The following GAS2L3 variants were observed in gnomAD, a reference collection of about 807,000 sequenced individuals.
GAS2L3 encodes the protein growth arrest specific 2 like 3, also known as GAS2-like protein 3.
A neutral mutation model predicts 37.0 loss-of-function variants in GAS2L3; 28 were observed. That is an observed-to-expected ratio of 0.76 (90% CI 0.56 to 1.04). GAS2L3 has a LOEUF of 1.04. GAS2L3 is among the 50% of genes least tolerant of loss of function. The pLI is 0.00. For synonymous variants in GAS2L3, 290 were observed against 296.6 expected (o/e 0.98, Z 0.23); for missense variants, 793 against 817.6 (o/e 0.97, Z 0.37).
intron 1 of GAS2L3, among the ~76,000 whole-genome samples, chr12:100,576,019 C>A (rs1010869180): frequency 2.0e-5 from 3 of 151,814 alleles, no homozygotes; most frequent in Admixed American, 2.0e-4. Context: ...GATGGTAAAT[C>A]AAAATTTGTG....
At chr12:100,586,773 A>G (rs565050051) in intron 1 of GAS2L3, among the ~76,000 whole-genome samples, 3 of 152,322 alleles carry the variant, frequency 2.0e-5, no homozygotes, top group South Asian at 2.1e-4. Flanking sequence ...TACAAAAGAT[A>G]AATGAAACAA....
chr12:100,579,091 A>G, intron 1 of GAS2L3: 2 of 731,864 alleles, frequency 2.7e-6, no homozygotes, highest in East Asian at 2.6e-5. Flanking sequence ...TCAAGTACAT[A>G]TTTGTTCAGG....
chr12:100,584,394 G>A (rs531874243), intron 1 of GAS2L3, among the ~76,000 whole-genome samples: 34 of 152,134 alleles, frequency 2.2e-4, no homozygotes, highest in African/African-American at 8.0e-4. Flanking sequence ...TGTAAATGTT[G>A]GATTTTCACA....
chr12:100,602,502 A>C (rs1956003955), intron 5 of GAS2L3, among the ~76,000 whole-genome samples: 1 of 151,748 alleles, frequency 6.6e-6, no homozygotes, highest in Non-Finnish European at 1.5e-5. Flanking sequence ...ATCTTGTAAA[A>C]AATATTTTGT....
At chr12:100,574,986 T>C (rs996481182) in intron 1 of GAS2L3, among the ~76,000 whole-genome samples, 4 of 152,182 alleles carry the variant, frequency 2.6e-5, no homozygotes, top group African/African-American at 9.7e-5. Flanking sequence ...AGTAATTTTT[T>C]TTTTTTTAGC....
Position 100,599,259 on chromosome 12 carries a change from C to T in GAS2L3, c.19-1123C>T, listed in dbSNP as rs80120857. On this transcript the variant is annotated intron_variant, in intron 3 of 9. Transcript: ENST00000547754. ...ATAATGACATGATTACTTCTTTTAC[C>T]ATCTGAAGAATTGATACAGCCTTTT... 5.4e-3 allele frequency among the ~76,000 whole-genome samples: 822 copies of T among 152,174 alleles called. 8 individuals carry two copies. Among genetic ancestry groups the T allele is most frequent in the African/African-American group, 0.019 (780 of 41,502 alleles).
rs1241497334 is a variant in GAS2L3, at chr12:100,625,975, C to A, written c.*1085C>A. The A allele has an allele frequency of 6.6e-6, 1 of 152,092 alleles. No homozygotes were observed. Among genetic ancestry groups the A allele is most frequent in the Non-Finnish European group, 1.5e-5 (1 of 68,010 alleles). 9.4% of individuals were successfully genotyped at this position (152,092 alleles called of 1,614,324 possible). On this transcript the variant is annotated 3_prime_UTR_variant, in exon 10 of 10. Transcript: ENST00000547754. ...CAATGGCAAGTAGACAGGATATGTTCAAGGTTTTCTGCACTGTAGGCACAG... is the reference window on the plus strand; with the variant it reads ...CAATGGCAAGTAGACAGGATATGTTAAAGGTTTTCTGCACTGTAGGCACAG...
rs146161019 is a variant in GAS2L3 at position 100,620,790 on chromosome 12, G to C, written c.649-1485G>C. 1.8e-4 allele frequency among the ~76,000 whole-genome samples: 28 copies of C among 152,068 alleles called. No homozygotes were observed. In the East Asian group the frequency reaches 5.4e-3, roughly 29 times the overall value. On this transcript the variant is annotated intron_variant, in intron 8 of 9. Coordinates refer to ENST00000547754, the MANE Select transcript of GAS2L3 (RefSeq NM_174942.3). The stretch of plus-strand genomic sequence containing the variant: ...TACAGACAGAAAGTGGTGACTAAAA[G>C]ATATATCTCCTTTCAGATTACTTTG...
chr12:100,582,351 A>T (rs1262090307), intron 1 of GAS2L3, among the ~76,000 whole-genome samples: 1 of 152,188 alleles, frequency 6.6e-6, no homozygotes, highest in Non-Finnish European at 1.5e-5. Flanking sequence ...TTAAGGCAGG[A>T]ACTGCCTATT....
intron 6 of GAS2L3, among the ~76,000 whole-genome samples, chr12:100,614,096 T>C (rs1295976891): frequency 6.6e-6 from 1 of 152,218 alleles, no homozygotes; most frequent in Non-Finnish European, 1.5e-5. Context: ...TTTAAGGATC[T>C]CTGTTTACCT....
intron 1 of GAS2L3, among the ~76,000 whole-genome samples, chr12:100,582,587 T>C (rs1328564254): frequency 6.6e-6 from 1 of 152,204 alleles, no homozygotes; most frequent in Non-Finnish European, 1.5e-5. Context: ...GAAAAATATA[T>C]TTCTTTTGAT....
intron 8 of GAS2L3, among the ~76,000 whole-genome samples, chr12:100,619,560 T>C (rs548162370): frequency 6.6e-6 from 1 of 152,136 alleles, no homozygotes; most frequent in South Asian, 2.1e-4. Flanking sequence ...GCAAGACAGA[T>C]TAAGAACATG....
At position 100,615,134 on chromosome 12, in the gene GAS2L3, A is replaced by G. The variant is rs751091317; in HGVS notation, c.446-2610A>G. On this transcript the variant is annotated intron_variant, in intron 6 of 9. Coordinates refer to ENST00000547754, the MANE Select transcript of GAS2L3 (RefSeq NM_174942.3). ...TTTACATTTCTGCCAGCAGTGCCCA[A>G]TGTTCCAATTTCTCCACATCTTTGT... 9.8e-5 allele frequency among the ~76,000 whole-genome samples: 15 copies of G among 152,322 alleles called. 1 individual carries two copies. In the South Asian group the frequency reaches 1.0e-3, roughly 11 times the overall value.
At chr12:100,622,606 A>C (rs1325909768) in intron 9 of GAS2L3, among the ~76,000 whole-genome samples, 1 of 151,864 alleles carries the variant, frequency 6.6e-6, no homozygotes, top group Non-Finnish European at 1.5e-5. Flanking sequence ...CAGGATAGCT[A>C]AGATTATTTA....
At chr12:100,620,248 G>T (rs1956237515) in intron 8 of GAS2L3, among the ~76,000 whole-genome samples, 1 of 151,914 alleles carries the variant, frequency 6.6e-6, no homozygotes, top group Non-Finnish European at 1.5e-5. Context: ...TAATCATTGT[G>T]ATCATTGTGA....
rs1352539669 is a variant in GAS2L3 at position 100,622,378 on chromosome 12, T to C, written c.752T>C (p.Ile251Thr). The C allele has an allele frequency of 7.2e-7, 1 of 1,397,078 alleles. No individual in the cohort carries two copies. Among genetic ancestry groups the C allele is most frequent in the Non-Finnish European group, 1.0e-6 (1 of 987,180 alleles). 86.5% of individuals were successfully genotyped at this position (1,397,078 alleles called of 1,614,324 possible). A position where few individuals can be genotyped will look rare whatever the true frequency, so the allele number is the denominator to read the frequency against. The change falls in exon 9 of 10, where the codon ATA becomes ACA. Residue 251 changes from isoleucine (I) to threonine (T), a missense_variant. Physicochemically the swap from Ile to Thr is moderately conservative, Grantham distance 89. Coordinates refer to ENST00000547754, the MANE Select transcript of GAS2L3 (RefSeq NM_174942.3). ...CGACTAGGGGATAAAATACTCTTTATAAGAGTAAGTCCATTATTTACACTT... is the reference window on the plus strand; with the variant it reads ...CGACTAGGGGATAAAATACTCTTTACAAGAGTAAGTCCATTATTTACACTT... Reference protein sequence around the residue: ...RYRLGDKILFIRMLHGKHVMV... With the variant: ...RYRLGDKILFTRMLHGKHVMV...
chr12:100,624,233 TA>T lies in GAS2L3; in HGVS notation c.1430del (p.Asn477IlefsTer13). 3 of 1,614,036 alleles carry T rather than the reference TA, an allele frequency of 1.9e-6. No individual in the cohort carries two copies. The highest frequency in any genetic ancestry group is 1.7e-6 in the Non-Finnish European group (2 of 1,179,992). ...AAACTCAACCTAAGTATTTGAAACATAATCATATTTCTTCCAGAGATAATGC... is the reference window on the plus strand; with the variant it reads ...AAACTCAACCTAAGTATTTGAAACATATCATATTTCTTCCAGAGATAATGC... ...GKTQPKYLKH[N>X]HISSRDNAVS... On this transcript the variant is annotated frameshift_variant, in exon 10 of 10. Coordinates refer to ENST00000547754, the MANE Select transcript of GAS2L3 (RefSeq NM_174942.3). LOFTEE classifies it low-confidence loss of function (END_TRUNC).
Position 100,624,205 on chromosome 12 carries a change from GA to G in GAS2L3, c.1405del (p.Thr469LeufsTer6), listed in dbSNP as rs766503403. On this transcript the variant is annotated frameshift_variant, in exon 10 of 10. Transcript: ENST00000547754. LOFTEE classifies it low-confidence loss of function (END_TRUNC). ...ACACTTTTGCCAAATAAGTGTTCAG[GA>G]AAAACTCAACCTAAGTATTTGAAAC... ...ESTLLPNKCS[G>X]KTQPKYLKHN... The G allele has an allele frequency of 1.2e-6, 2 of 1,613,772 alleles. No homozygotes were observed. Among genetic ancestry groups the G allele is most frequent in the Non-Finnish European group, 1.7e-6 (2 of 1,179,994 alleles).
intron 6 of GAS2L3, among the ~76,000 whole-genome samples, chr12:100,613,732 C>T (rs1335779536): frequency 2.6e-5 from 4 of 151,934 alleles, no homozygotes; most frequent in African/African-American, 4.8e-5. Flanking sequence ...GTAGCTGGGA[C>T]TACAGGCACC....
Sources: gnomAD v4.1 joint callset for allele counts (sites outside exome capture counted in the v4.1 genomes callset) on GRCh38, gnomAD v4.1.1 for gene constraint, MANE v1.5 for transcripts, NCBI Gene and HGNC (gene_info 2026-07-23, HGNC 2026-07-21) for gene names.